Variants in NLRP1 observed in about 807,000 individuals in gnomAD.
NLRP1 encodes NACHT, LRR and PYD domains-containing protein 1.
NLRP1 carries 94 observed loss-of-function variants against 136.7 expected under a neutral mutation model. The observed-to-expected ratio is 0.69, with a 90% CI of 0.58 to 0.82. The LOEUF is 0.82. NLRP1 is among the 40% of genes least tolerant of loss of function. NLRP1 has a pLI of 0.00. For missense variants in NLRP1, 1,575 were observed against 1,802.7 expected, an observed-to-expected ratio of 0.87 and a Z score of 2.29; for synonymous variants, 690 against 725.1, an observed-to-expected ratio of 0.95 and a Z score of 0.78.
intron 12 of NLRP1, among the ~76,000 whole-genome samples, chr17:5,523,466 T>TC (rs1242725310): frequency 5.3e-5 from 8 of 152,108 alleles, no homozygotes; most frequent in South Asian, 2.1e-4. Context: ...GTCACTATCT[T>TC]CCCCCCCGCT....
At position 5,518,838 on chromosome 17, in the gene NLRP1, A is replaced by ATT. The variant is rs35197506; in HGVS notation, c.3916-953_3916-952dup. On this transcript the variant is annotated intron_variant, in intron 14 of 16. Coordinates refer to ENST00000572272, the MANE Select transcript of NLRP1 (RefSeq NM_033004.4). ...AGTCACTGTACCCAACCACAACAGC[A>ATT]TTTTTTTTTTTTTTTTTTGAGACAG... Among the ~76,000 whole-genome samples the ATT allele has an allele frequency of 4.2e-3, 541 of 129,246 alleles. 4 individuals are homozygous for ATT. The highest frequency in any genetic ancestry group is 0.013 in the African/African-American group (474 of 35,548). The allele number at this position is 129,246 out of a possible 152,430, so 84.8% of individuals were successfully genotyped here.
rs200758471 is a variant in NLRP1 at position 5,530,604 on chromosome 17, C to T, written c.3397G>A (p.Asp1133Asn). 9 of 1,614,208 alleles carry T rather than the reference C, an allele frequency of 5.6e-6. No homozygotes were observed. The highest frequency in any genetic ancestry group is 7.6e-6 in the Non-Finnish European group (9 of 1,180,026). The change falls in exon 12 of 17, where the codon GAC (aspartate) becomes AAC (asparagine). Residue 1133 changes from aspartate to asparagine, a missense_variant. By Grantham distance (23) the Asp-to-Asn change is conservative. Transcript: ENST00000572272. Reference protein sequence around the residue: ...VTVEIEFCVWDQFLGEINPQH... With the variant: ...VTVEIEFCVWNQFLGEINPQH... The stretch of plus-strand genomic sequence containing the variant: ...GGGTTGATCTCACCCAGGAACTGGT[C>T]CCACACACAGAATTCAATCTCAACG...
chr17:5,513,498 G>A (rs570456346), downstream of NLRP1, among the ~76,000 whole-genome samples: 4 of 152,324 alleles, frequency 2.6e-5, no homozygotes, highest in Non-Finnish European at 5.9e-5. Context: ...GACGGTTCAA[G>A]TTTATGTCTT....
chr17:5,568,523 G>A (rs7208745), intron 3 of NLRP1, among the ~76,000 whole-genome samples: 7 of 152,038 alleles, frequency 4.6e-5, no homozygotes, highest in Non-Finnish European at 8.8e-5. Context: ...AATTCTGTCT[G>A]AAAGGTCACA....
intron 12 of NLRP1, among the ~76,000 whole-genome samples, chr17:5,528,293 GA>G (rs1446101818): frequency 2.6e-5 from 4 of 152,158 alleles, no homozygotes; most frequent in Non-Finnish European, 4.4e-5. Flanking sequence ...TGCCCGGTGG[GA>G]ACAAGTAACT....
chr17:5,568,523 G>C (rs7208745), intron 3 of NLRP1, among the ~76,000 whole-genome samples: 20,169 of 152,110 alleles, frequency 0.13, 1,493 homozygotes, highest in Middle Eastern at 0.18. Context: ...AATTCTGTCT[G>C]AAAGGTCACA....
In NLRP1 at chr17:5,541,553, G is replaced by A. The variant is rs888622976; in HGVS notation, c.2699+304C>T. 6.6e-6 allele frequency among the ~76,000 whole-genome samples: 1 copy of A among 152,158 alleles called. No individual in the cohort carries two copies. Among genetic ancestry groups the A allele is most frequent in the South Asian group, 2.1e-4 (1 of 4,828 alleles). ...CCTCATAGCTCTATGAAGTGGGCAC[G>A]ATTATCATCATCCTCTGTGGTAGTC... On this transcript the variant is annotated intron_variant, in intron 6 of 16. Transcript: ENST00000572272. This position sits in a 1 kb window ranked among gnomAD's most constrained non-coding sequence, Gnocchi z 4.2.
intron 12 of NLRP1, among the ~76,000 whole-genome samples, chr17:5,528,081 C>T (rs931681001): frequency 2.0e-5 from 3 of 152,236 alleles, no homozygotes; most frequent in African/African-American, 2.4e-5. Context: ...AGTGGTGGTG[C>T]AGCCCTGAGC....
chr17:5,511,795 C>T (rs972931968), downstream of NLRP1, among the ~76,000 whole-genome samples: 1 of 141,542 alleles, frequency 7.1e-6, no homozygotes, highest in Non-Finnish European at 1.5e-5. Context: ...TTTCTCTTTC[C>T]TTTCTCTCTT....
intron 14 of NLRP1, 90 bp from the exon 15 acceptor site, chr17:5,517,977 C>T (rs1054851902): frequency 4.0e-6 from 5 of 1,237,296 alleles, no homozygotes; most frequent in Non-Finnish European, 5.8e-6. Context: ...TGCTTGGCTC[C>T]ATAAGGACAC....
At chr17:5,568,743 A>T (rs1408341276) in intron 3 of NLRP1, among the ~76,000 whole-genome samples, 1 of 152,168 alleles carries the variant, frequency 6.6e-6, no homozygotes, top group Non-Finnish European at 1.5e-5. Context: ...GATCTAAGGC[A>T]TTTCTGCTTT....
chr17:5,525,247 G>T (rs986637550), intron 12 of NLRP1, among the ~76,000 whole-genome samples: 4 of 152,226 alleles, frequency 2.6e-5, no homozygotes, highest in African/African-American at 9.6e-5. Flanking sequence ...GCCAGCCCCT[G>T]TGGATGTAGC....
intron 5 of NLRP1, among the ~76,000 whole-genome samples, chr17:5,547,846 A>G (rs1025808933): frequency 6.6e-6 from 1 of 152,186 alleles, no homozygotes; most frequent in African/African-American, 2.4e-5. Context: ...ACTCCTTTTT[A>G]ATGAACAATC....
chr17:5,571,206 A>G (rs1438588349), intron 3 of NLRP1, among the ~76,000 whole-genome samples: 1 of 152,226 alleles, frequency 6.6e-6, no homozygotes, highest in East Asian at 1.9e-4. Flanking sequence ...GAACAAGACA[A>G]GGATGCTCAT....
rs550560141 is a variant in NLRP1 at position 5,514,609 on chromosome 17, G to A, written c.*145C>T. The stretch of plus-strand genomic sequence containing the variant: ...GGCATCCCTGGCATGGACACATAAT[G>A]CCCAGCAAAGGCATCATCAAAGTTC... On this transcript the variant is annotated 3_prime_UTR_variant, in exon 17 of 17. Coordinates refer to ENST00000572272, the MANE Select transcript of NLRP1 (RefSeq NM_033004.4). 1.1e-5 allele frequency: 16 copies of A among 1,465,732 alleles called. No homozygotes were observed. The highest frequency in any genetic ancestry group is 2.8e-5 in the African/African-American group (2 of 70,742). The allele number at this position is 1,465,732 out of a possible 1,614,324, so 90.8% of individuals were successfully genotyped here.
At chr17:5,553,932 A>C (rs1256230392) in intron 4 of NLRP1, among the ~76,000 whole-genome samples, 2 of 152,072 alleles carry the variant, frequency 1.3e-5, no homozygotes, top group Non-Finnish European at 2.9e-5. Flanking sequence ...GATAAGAAAA[A>C]AATTTTTTAA....
chr17:5,532,748 C>T (rs1162282689), intron 11 of NLRP1, 74 bp downstream of exon 11: 1 of 1,381,644 alleles, frequency 7.2e-7, no homozygotes, highest in Non-Finnish European at 9.7e-7. Context: ...GTGGCGCTGA[C>T]TGTCTGTGGG....
At chr17:5,543,907 A>G (rs1912201166) in intron 5 of NLRP1, among the ~76,000 whole-genome samples, 1 of 152,186 alleles carries the variant, frequency 6.6e-6, no homozygotes. Flanking sequence ...GTGTACAACC[A>G]GGGTGGTTGC....
intron 3 of NLRP1, among the ~76,000 whole-genome samples, chr17:5,574,078 C>A (rs188560924): frequency 8.5e-5 from 13 of 152,218 alleles, no homozygotes; most frequent in Non-Finnish European, 1.9e-4. Flanking sequence ...AGACAAATGG[C>A]TAACTAAAAT....
Sources: gnomAD v4.1 joint callset for allele counts (sites outside exome capture counted in the v4.1 genomes callset) on GRCh38, gnomAD v4.1.1 for gene constraint, Gnocchi (gnomAD v3.1) non-coding constraint, MANE v1.5 for transcripts, NCBI Gene and HGNC (gene_info 2026-07-23, HGNC 2026-07-21) for gene names.